Variants in KLHL2 observed in about 807,000 individuals in gnomAD.
KLHL2 encodes the protein kelch like family member 2, also known as kelch-like protein 2.
Under a neutral mutation model 75.8 loss-of-function variants are expected in KLHL2, and 15 were observed. The ratio of observed to expected loss-of-function variants is 0.20; its 90% CI spans 0.13 to 0.30. KLHL2 has a LOEUF of 0.30. Ranked by LOEUF, KLHL2 falls within the 10% of genes least tolerant of loss-of-function variation. KLHL2 has a pLI of 1.00. For synonymous variants in KLHL2, 214 were observed against 251.9 expected, an observed-to-expected ratio of 0.85 and a Z score of 1.42; for missense variants, 381 against 741.0, an observed-to-expected ratio of 0.51 and a Z score of 5.64.
intron 2 of KLHL2, among the ~76,000 whole-genome samples, chr4:165,222,323 G>T (rs1738061392): frequency 1.3e-5 from 2 of 152,090 alleles, no homozygotes; most frequent in Admixed American, 1.3e-4. Flanking sequence ...TGCAAGCCCT[G>T]TGGTGTCCTT....
intron 9 of KLHL2, among the ~76,000 whole-genome samples, chr4:165,308,524 G>T (rs199861846): frequency 3.3e-4 from 50 of 152,210 alleles, no homozygotes; most frequent in East Asian, 3.1e-3. Context: ...ACTTTGGGAG[G>T]TTATCATACT....
chr4:165,220,684 G>A (rs1737912550), intron 2 of KLHL2, among the ~76,000 whole-genome samples: 1 of 152,126 alleles, frequency 6.6e-6, no homozygotes, highest in East Asian at 1.9e-4. Flanking sequence ...GGACAGTGCT[G>A]GTCTAGGGCT....
At chr4:165,250,029 C>T (rs2111160727) in intron 4 of KLHL2, among the ~76,000 whole-genome samples, 1 of 151,658 alleles carries the variant, frequency 6.6e-6, no homozygotes, top group Admixed American at 6.6e-5. Context: ...GAGGCTGAGG[C>T]AGGAGAATGG....
chr4:165,215,831 GTTA>G (rs960933188), intron 1 of KLHL2, among the ~76,000 whole-genome samples: 1 of 151,904 alleles, frequency 6.6e-6, no homozygotes, highest in African/African-American at 2.4e-5. Context: ...CATGACTTTT[GTTA>G]TTATTATTAT....
intron 5 of KLHL2, among the ~76,000 whole-genome samples, chr4:165,291,343 C>T (rs1744489111): frequency 6.6e-6 from 1 of 152,056 alleles, no homozygotes; most frequent in Admixed American, 6.5e-5. Flanking sequence ...TAATGAAGTC[C>T]AACTTAACCA....
At chr4:165,275,011 G>C (rs573860007) in intron 5 of KLHL2, among the ~76,000 whole-genome samples, 1 of 152,256 alleles carries the variant, frequency 6.6e-6, no homozygotes, top group Non-Finnish European at 1.5e-5. Flanking sequence ...TGACAGCTCA[G>C]TGTGACCAGA....
chr4:165,208,855 TGTC>T (rs1737016432), intron 1 of KLHL2, among the ~76,000 whole-genome samples: 1 of 152,164 alleles, frequency 6.6e-6, no homozygotes, highest in African/African-American at 2.4e-5. Flanking sequence ...CATGGAGGCT[TGTC>T]GTTCTCCGGT....
chr4:165,289,777 GGTCA>G (rs1316210643), intron 5 of KLHL2, among the ~76,000 whole-genome samples: 1 of 151,846 alleles, frequency 6.6e-6, no homozygotes, highest in Non-Finnish European at 1.5e-5. Context: ...ATTTTTTTCT[GGTCA>G]GTGAAGCAGA....
chr4:165,313,381 G>A lies in KLHL2; in HGVS notation c.1468+15G>A. 6.8e-7 allele frequency: 1 copy of A among 1,462,092 alleles called. No individual in the cohort carries two copies. The highest frequency in any genetic ancestry group is 1.5e-5 in the South Asian group (1 of 68,536). The allele number at this position is 1,462,092 out of a possible 1,614,324, so 90.6% of individuals were successfully genotyped here. ...GAGTGGAGCAGGTACATGTGAACCT[G>A]TTTTAGCAACTGAAGCACAAAAATG... On this transcript the variant is annotated intron_variant, in intron 12 of 14. Transcript: ENST00000226725.
At chr4:165,316,820 G>A (rs1477009476) in intron 13 of KLHL2, among the ~76,000 whole-genome samples, 1 of 152,060 alleles carries the variant, frequency 6.6e-6, no homozygotes, top group Non-Finnish European at 1.5e-5. Context: ...TTAACTTGAG[G>A]AAATGTCCAA....
rs558825583 is a variant in KLHL2, at chr4:165,322,055, T to C, written c.1777T>C (p.Leu593=). Residue 593 remains leucine (L), a synonymous_variant, in exon 15 of 15, where the codon TTA becomes CTA. Coordinates refer to ENST00000226725, the MANE Select transcript of KLHL2 (RefSeq NM_007246.4). ...AGGGGTCACAGTTATTGATAAACCA[T>C]TATGAGCCTGAAGGACATTTTCAGC... ...YAGVTVIDKP[L] 1 of 1,613,574 alleles carries C rather than the reference T, an allele frequency of 6.2e-7. No individual in the cohort carries two copies. The highest frequency in any genetic ancestry group is 1.3e-5 in the African/African-American group (1 of 75,028).
intron 5 of KLHL2, among the ~76,000 whole-genome samples, chr4:165,293,673 T>A (rs2126488835): frequency 6.7e-6 from 1 of 149,278 alleles, no homozygotes; most frequent in African/African-American, 2.4e-5. Flanking sequence ...CTGGCTAATT[T>A]TTTTTTTTTT....
At chr4:165,297,036 A>C (rs1409549318) in intron 6 of KLHL2, among the ~76,000 whole-genome samples, 4 of 152,136 alleles carry the variant, frequency 2.6e-5, no homozygotes, top group Non-Finnish European at 4.4e-5. Context: ...TTTTGGTCTC[A>C]GTTATCCAAT....
chr4:165,309,921 G>A (rs75220506), intron 9 of KLHL2, among the ~76,000 whole-genome samples: 3,144 of 152,206 alleles, frequency 0.021, 59 homozygotes, highest in East Asian at 0.1. Context: ...AAAGCTATGG[G>A]AGGTGAGTAC....
At chr4:165,317,121 A>AAT (rs1313404123) in intron 13 of KLHL2, among the ~76,000 whole-genome samples, 1 of 152,214 alleles carries the variant, frequency 6.6e-6, no homozygotes, top group African/African-American at 2.4e-5. Flanking sequence ...CTAACCATTC[A>AAT]GTGTGATAAT....
intron 5 of KLHL2, among the ~76,000 whole-genome samples, chr4:165,282,889 G>C (rs988325201): frequency 6.6e-6 from 1 of 151,920 alleles, no homozygotes; most frequent in African/African-American, 2.4e-5. Context: ...ACAAAAGAAA[G>C]AGGTTTATTG....
intron 4 of KLHL2, among the ~76,000 whole-genome samples, chr4:165,261,078 A>G (rs953444714): frequency 6.6e-5 from 10 of 152,220 alleles, no homozygotes; most frequent in African/African-American, 2.2e-4. Flanking sequence ...TTTCACAGAG[A>G]TTGAATTTTA....
At chr4:165,217,842 A>T (rs1386199815) in intron 1 of KLHL2, among the ~76,000 whole-genome samples, 1 of 152,138 alleles carries the variant, frequency 6.6e-6, no homozygotes, top group Non-Finnish European at 1.5e-5. Flanking sequence ...CTTCACTTGG[A>T]TGTCTGATGT....
chr4:165,226,759 CTCTT>C (rs1420233916), intron 2 of KLHL2, among the ~76,000 whole-genome samples: 1 of 151,836 alleles, frequency 6.6e-6, no homozygotes, highest in African/African-American at 2.4e-5. Context: ...TTTATTATTT[CTCTT>C]TCTTGTTTTA....
Sources: allele counts gnomAD v4.1 joint callset (sites outside exome capture counted in the v4.1 genomes callset), GRCh38; gene constraint gnomAD v4.1.1; transcripts MANE v1.5; gene names NCBI Gene and HGNC (gene_info 2026-07-23, HGNC 2026-07-21).